Variants in HIVEP3 observed in about 807,000 individuals in gnomAD.
HIVEP3 encodes transcription factor HIVEP3.
A neutral mutation model predicts 152.8 loss-of-function variants in HIVEP3; 49 were observed. That is an observed-to-expected ratio of 0.32 (90% CI 0.26 to 0.41). The LOEUF (loss-of-function observed/expected upper bound fraction) is 0.41. HIVEP3 is among the 10% of genes least tolerant of loss of function. The pLI is 1.00. For missense variants in HIVEP3, 2,790 were observed against 3,103.3 expected, an observed-to-expected ratio of 0.90 and a Z score of 2.40; for synonymous variants, 1,269 against 1,289.0, an observed-to-expected ratio of 0.98 and a Z score of 0.33.
chr1:41,580,780 G>T lies in HIVEP3; in HGVS notation c.4018C>A (p.Gln1340Lys), dbSNP rs779037263. 6.3e-7 allele frequency: 1 copy of T among 1,577,880 alleles called. No homozygotes were observed. The highest frequency in any genetic ancestry group is 1.3e-5 in the African/African-American group (1 of 74,108). The change falls in exon 4 of 9, where the codon CAG (glutamine) becomes AAG (lysine). Residue 1340 changes from glutamine to lysine, a missense_variant. Physicochemically the swap from Gln to Lys is moderately conservative, Grantham distance 53. Transcript: ENST00000372583. ...CCTTGGGACTGGGTGACCAAGATCT[G>T]GGAAAGGGTGGTGTACATTGCGCTC... ...YGSAMYTTLS[Q>K]ILVTQSQGSS...
chr1:41,824,649 G>A (rs375621737), intron 1 of HIVEP3, among the ~76,000 whole-genome samples: 1 of 151,032 alleles, frequency 6.6e-6, no homozygotes, highest in Admixed American at 6.6e-5. Context: ...TGACAAGGTA[G>A]TCCCTCCTAG....
chr1:41,879,205 C>T (rs1401266483), intron 1 of HIVEP3, among the ~76,000 whole-genome samples: 1 of 152,146 alleles, frequency 6.6e-6, no homozygotes, highest in South Asian at 2.1e-4. Context: ...AGGACCTGTT[C>T]CAGGTGCCTG....
chr1:41,845,410 C>G (rs1643411295), intron 1 of HIVEP3, among the ~76,000 whole-genome samples: 3 of 91,172 alleles, frequency 3.3e-5, no homozygotes, highest in African/African-American at 1.9e-4. Context: ...CCTATACACA[C>G]ACACACACGC....
chr1:41,647,911 C>T (rs1409648827), intron 2 of HIVEP3, among the ~76,000 whole-genome samples: 1 of 152,202 alleles, frequency 6.6e-6, no homozygotes, highest in Non-Finnish European at 1.5e-5. Context: ...ACTGGTGAGG[C>T]CCTGCCTGGT....
chr1:41,583,920 C>T lies in HIVEP3; in HGVS notation c.878G>A (p.Gly293Asp), dbSNP rs557634412. ...TCTTGGGGAGAGCTCTGCAGGGTGA[C>T]CAGAGGTGGCACTAGTCTCCTCTTC... ...DSEEETSATS[G>D]HPAELSPRPK... Residue 293 changes from glycine (G) to aspartate (D), a missense_variant, in exon 4 of 9, where the codon GGT becomes GAT. Around this residue, in one of 9 missense-constraint regions of HIVEP3, gnomAD observed 125 missense variants for 130.1 expected, o/e 0.96. Coordinates refer to ENST00000372583, the MANE Select transcript of HIVEP3 (RefSeq NM_024503.5). This position sits in a 1 kb window ranked among gnomAD's most constrained non-coding sequence, Gnocchi z 6.9. 2 of 1,614,058 alleles carry T rather than the reference C, an allele frequency of 1.2e-6. No homozygotes were observed. The highest frequency in any genetic ancestry group is 2.2e-5 in the South Asian group (2 of 91,082).
intron 1 of HIVEP3, among the ~76,000 whole-genome samples, chr1:41,933,981 T>G (rs769833407): frequency 6.6e-6 from 1 of 152,130 alleles, no homozygotes; most frequent in African/African-American, 2.4e-5. Context: ...TAATGGGATT[T>G]CACCAGTATC....
In HIVEP3 at chr1:41,580,035, T is replaced by C. The variant is rs779596492; in HGVS notation, c.4763A>G (p.Asp1588Gly). The C allele has an allele frequency of 1.1e-5, 18 of 1,614,150 alleles. No individual in the cohort carries two copies. The South Asian group carries it at 1.9e-4, about 17-fold the overall frequency. ...SRPAKSQEGT[D>G]SKKVLQFPSL... ...GGGGAACTGCAGTACCTTCTTTGAG[T>C]CCGTACCTTCTTGTGACTTGGCTGG... Residue 1588 changes from aspartate to glycine, a missense_variant, in exon 4 of 9, where the codon GAC becomes GGC. Coordinates refer to ENST00000372583, the MANE Select transcript of HIVEP3 (RefSeq NM_024503.5).
At chr1:42,003,146 G>T (rs761285685) in intron 1 of HIVEP3, among the ~76,000 whole-genome samples, 1 of 151,756 alleles carries the variant, frequency 6.6e-6, no homozygotes, top group African/African-American at 2.4e-5. Context: ...CACAATCTCG[G>T]CTCACTGTAA....
At position 41,778,914 on chromosome 1, in the gene HIVEP3, G is replaced by T. The variant is rs527634301; in HGVS notation, c.-800-77919C>A. On this transcript the variant is annotated intron_variant, in intron 1 of 8. Coordinates refer to ENST00000372583, the MANE Select transcript of HIVEP3 (RefSeq NM_024503.5). ...AGATAGGAAGGGTGAGAGGGAGAAA[G>T]CCAGGCATGTATCTGAGGGAAGAGC... Among the ~76,000 whole-genome samples, 9 of 152,306 alleles carry T rather than the reference G, an allele frequency of 5.9e-5. No individual in the cohort carries two copies. In the South Asian group the frequency reaches 1.0e-3, roughly 18 times the overall value.
intron 5 of HIVEP3, among the ~76,000 whole-genome samples, chr1:41,530,213 G>T (rs1643204149): frequency 6.6e-6 from 1 of 152,238 alleles, no homozygotes; most frequent in Non-Finnish European, 1.5e-5. Flanking sequence ...CGTGTCCCCA[G>T]TGGGGGTCAC....
intron 5 of HIVEP3, among the ~76,000 whole-genome samples, chr1:41,555,321 C>G (rs984150827): frequency 6.6e-6 from 1 of 152,208 alleles, no homozygotes; most frequent in Non-Finnish European, 1.5e-5. Context: ...AATATAATGT[C>G]CTGGTGTGCC....
intron 2 of HIVEP3, among the ~76,000 whole-genome samples, chr1:41,667,143 T>A (rs1645808022): frequency 6.6e-6 from 1 of 152,208 alleles, no homozygotes; most frequent in Non-Finnish European, 1.5e-5. Context: ...ATGAGAGTCA[T>A]TTCTTCATGT....
intron 1 of HIVEP3, among the ~76,000 whole-genome samples, chr1:41,928,095 T>G (rs1242108692): frequency 6.8e-6 from 1 of 146,606 alleles, no homozygotes; most frequent in Non-Finnish European, 1.5e-5. Context: ...TGTAAAAGCA[T>G]GTATTGCTTT....
chr1:41,984,927 T>A lies in HIVEP3; in HGVS notation n.119+50880A>T, dbSNP rs1212221466. On this transcript the variant is annotated intron_variant and non_coding_transcript_variant, in intron 1 of 3. Coordinates refer to the HIVEP3 transcript ENST00000489103. ...AACAAATAAATACAATGATTATAAA[T>A]TTTCACAGGTGCTATGTAAGAAATA... is the stretch of plus-strand genomic sequence containing the variant. 2.6e-5 allele frequency among the ~76,000 whole-genome samples: 4 copies of A among 151,840 alleles called. No homozygotes were observed. In the East Asian group the frequency reaches 7.7e-4, roughly 29 times the overall value.
At chr1:41,552,438 A>AT (rs746023316) in intron 5 of HIVEP3, among the ~76,000 whole-genome samples, 1 of 145,070 alleles carries the variant, frequency 6.9e-6, no homozygotes, top group Non-Finnish European at 1.5e-5. Context: ...TCATTGTTCA[A>AT]TTCCCACCTA....
chr1:41,856,666 G>T (rs1643775645), intron 1 of HIVEP3, among the ~76,000 whole-genome samples: 1 of 152,158 alleles, frequency 6.6e-6, no homozygotes, highest in South Asian at 2.1e-4. Flanking sequence ...GAGGGAGGAA[G>T]GGAGGGACAA....
intron 1 of HIVEP3, among the ~76,000 whole-genome samples, chr1:41,812,464 A>G (rs1483462853): frequency 1.3e-5 from 2 of 152,118 alleles, no homozygotes; most frequent in Non-Finnish European, 2.9e-5. Context: ...AACAAAAACA[A>G]AAAAATAAAT....
At position 41,585,198 on chromosome 1, in the gene HIVEP3, T is replaced by C. The variant is rs913700592; in HGVS notation, c.-401A>G. 3 of 399,106 alleles carry C rather than the reference T, an allele frequency of 7.5e-6. No homozygotes were observed. Among genetic ancestry groups the C allele is most frequent in the East Asian group, 3.6e-5 (1 of 28,066 alleles). The allele number at this position is 399,106 out of a possible 1,614,324, so 24.7% of individuals were successfully genotyped here. A position where few individuals can be genotyped will look rare whatever the true frequency, so the allele number is the denominator to read the frequency against. On this transcript the variant is annotated 5_prime_UTR_variant, in exon 4 of 9. It removes an upstream start codon present in the reference 5' UTR. Transcript: ENST00000372583. Reference sequence around the variant, plus strand: ...TGAAGGTTGGAGACATCTGTGTCCATGGCCCAGTCATCCCTGGTCCTGGCA... The same window carrying C: ...TGAAGGTTGGAGACATCTGTGTCCACGGCCCAGTCATCCCTGGTCCTGGCA...
In HIVEP3 at chr1:41,811,020, T is replaced by G. The variant is rs188532188; in HGVS notation, c.-801+107393A>C. On this transcript the variant is annotated intron_variant, in intron 1 of 8. Transcript: ENST00000372583. ...ACTGCAGACTCCTAGGATGCCCTTT[T>G]CCAGCCCTTACAGGGCACTATGATT... Among the ~76,000 whole-genome samples the G allele has an allele frequency of 3.6e-3, 552 of 152,244 alleles. 3 individuals carry two copies. Among genetic ancestry groups the G allele is most frequent in the African/African-American group, 0.013 (520 of 41,538 alleles).
Sources: gnomAD v4.1 joint callset for allele counts (sites outside exome capture counted in the v4.1 genomes callset) on GRCh38, gnomAD v4.1.1 for gene constraint, gnomAD v4.1.1 regional missense constraint, Gnocchi (gnomAD v3.1) non-coding constraint, MANE v1.5 for transcripts, NCBI Gene and HGNC (gene_info 2026-07-23, HGNC 2026-07-21) for gene names.